MCM3: variants seen among roughly 807,000 people sequenced by gnomAD.
MCM3 encodes DNA replication licensing factor MCM3.
MCM3 carries 59 observed loss-of-function variants against 91.3 expected under a neutral mutation model. The ratio of observed to expected loss-of-function variants is 0.65; its 90% CI spans 0.52 to 0.80. The LOEUF (loss-of-function observed/expected upper bound fraction) is 0.80. Ranked by LOEUF, MCM3 falls within the 30% of genes least tolerant of loss-of-function variation. The probability of loss-of-function intolerance (pLI) is 0.00; values close to 1 mark genes in which losing one functional copy is unlikely to be tolerated. For synonymous variants in MCM3, 383 were observed against 379.6 expected, an observed-to-expected ratio of 1.01 and a Z score of -0.10; for missense variants, 919 against 1,035.4, an observed-to-expected ratio of 0.89 and a Z score of 1.54.
chr6:52,268,992 C>A, intron 13 of MCM3, 94 bp downstream of exon 13: 15 of 1,358,442 alleles, frequency 1.1e-5, no homozygotes, highest in Non-Finnish European at 1.5e-5. Context: ...TGTTGACAAT[C>A]CAAATGTAGC....
chr6:52,282,273 T>A, intron 3 of MCM3, 98 bp from the exon 4 acceptor site: 1 of 1,115,154 alleles, frequency 9.0e-7, no homozygotes, highest in Non-Finnish European at 1.3e-6. Flanking sequence ...CCAAATACTG[T>A]GTTTTTTTGA....
chr6:52,273,503 G>T, intron 10 of MCM3, 147 bp from the exon 11 acceptor site: 2 of 873,092 alleles, frequency 2.3e-6, no homozygotes, highest in South Asian at 3.5e-5. Context: ...CACAAATAAA[G>T]ATAGTGGAAC....
intron 3 of MCM3, 145 bp downstream of exon 3, chr6:52,282,508 C>A: frequency 1.5e-6 from 1 of 675,224 alleles, no homozygotes. Context: ...AATCATTGTA[C>A]ACACTGAGCC....
intron 13 of MCM3, among the ~76,000 whole-genome samples, chr6:52,268,590 A>G (rs181072857): frequency 1.4e-4 from 21 of 152,284 alleles, no homozygotes; most frequent in Non-Finnish European, 2.6e-4. Flanking sequence ...GATATCTAAA[A>G]TGACAGAGGT....
rs778293090 is a variant in MCM3, at chr6:52,266,671, T to C, written c.2098A>G (p.Lys700Glu). Reference protein sequence around the residue: ...KRRKTRQPDAKDGDSYDPYDF... With the variant: ...KRRKTRQPDAEDGDSYDPYDF... ...TAGGGGTCGTATGAATCCCCATCTT[T>C]GGCATCTGGCTGGCGAGTCTTCCTT... The change falls in exon 15 of 17, where the codon AAA becomes GAA. Residue 700 changes from lysine (K) to glutamate (E), a missense_variant. Physicochemically the swap from Lys to Glu is moderately conservative, Grantham distance 56 (BLOSUM62 1). Around this residue, in one of 3 missense-constraint regions of MCM3, gnomAD observed 285 missense variants for 311.4 expected, o/e 0.92. Coordinates refer to ENST00000596288, the MANE Select transcript of MCM3 (RefSeq NM_002388.6). 13 of 1,614,072 alleles carry C rather than the reference T, an allele frequency of 8.1e-6. No individual in the cohort carries two copies. Among genetic ancestry groups the C allele is most frequent in the African/African-American group, 2.7e-5 (2 of 74,928 alleles).
intron 13 of MCM3, 106 bp downstream of exon 13, chr6:52,268,980 T>C: frequency 4.0e-6 from 5 of 1,241,280 alleles, no homozygotes; most frequent in Non-Finnish European, 5.6e-6. Context: ...AATACTGCTT[T>C]CTGTTGACAA....
chr6:52,282,937 CTT>C (rs1766257509), intron 2 of MCM3, 76 bp from the exon 3 acceptor site: 3 of 1,007,152 alleles, frequency 3.0e-6, no homozygotes, highest in African/African-American at 3.2e-5. Context: ...AGCAGACATT[CTT>C]AGATCATTAA....
At position 52,264,722 on chromosome 6, in the gene MCM3, T is replaced by G. The variant is rs767510994; in HGVS notation, c.2293A>C (p.Met765Leu). 71 of 1,614,074 alleles carry G rather than the reference T, an allele frequency of 4.4e-5. No homozygotes were observed. The highest frequency in any genetic ancestry group is 2.5e-4 in the Admixed American group (15 of 60,006). The part of the protein sequence containing the change: ...FREAHAQSIG[M>L]NRLTESINRD... Reference sequence around the variant, plus strand: ...TTGATGGATTCTGTGAGGCGATTCATGCCGATTGACTGCGCATGAGCTTCC... The same window carrying G: ...TTGATGGATTCTGTGAGGCGATTCAGGCCGATTGACTGCGCATGAGCTTCC... Residue 765 changes from methionine (M) to leucine (L), a missense_variant, in exon 17 of 17, where the codon ATG becomes CTG. This residue lies in a region of MCM3 where 285 missense variants were observed against 311.4 expected (regional missense o/e 0.92). Transcript: ENST00000596288.
chr6:52,266,028 G>T (rs1764615988), intron 16 of MCM3, 47 bp downstream of exon 16: 1 of 1,543,898 alleles, frequency 6.5e-7, no homozygotes, highest in Non-Finnish European at 9.0e-7. Context: ...CCCTTCCTCA[G>T]CGATACACAG....
chr6:52,282,984 A>G (rs1581752333), intron 2 of MCM3, 123 bp from the exon 3 acceptor site: 6 of 727,656 alleles, frequency 8.2e-6, no homozygotes, highest in South Asian at 1.9e-5. Context: ...GCTTTCTCCT[A>G]TAAGTCTCAG....
chr6:52,279,320 C>G, intron 5 of MCM3, 41 bp downstream of exon 5: 2 of 1,487,876 alleles, frequency 1.3e-6, no homozygotes, highest in Non-Finnish European at 1.9e-6. Flanking sequence ...GAAATGGAAG[C>G]TGTCAACAGC....
chr6:52,284,399 CTTCCTAAGAG>C (rs1220123796), intron 1 of MCM3, among the ~76,000 whole-genome samples, 188 bp downstream of exon 1: 2 of 152,198 alleles, frequency 1.3e-5, no homozygotes, highest in Non-Finnish European at 2.9e-5. Context: ...AGAAAGCTGG[CTTCCTAAGAG>C]TTCACTTATC....
intron 6 of MCM3, among the ~76,000 whole-genome samples, chr6:52,278,430 T>C (rs1765778678): frequency 6.6e-6 from 1 of 152,226 alleles, no homozygotes; most frequent in Non-Finnish European, 1.5e-5. Context: ...GTTTAAGTAG[T>C]AATGCATCAC....
At chr6:52,269,270 C>A (rs370081968) in intron 12 of MCM3, 44 bp from the exon 13 acceptor site, 2 of 1,576,372 alleles carry the variant, frequency 1.3e-6, no homozygotes, top group Non-Finnish European at 1.7e-6. Context: ...GTCTTTTAGG[C>A]ATGCCCATCA....
In MCM3 at chr6:52,282,115, G is replaced by C; in HGVS notation, c.461C>G (p.Thr154Ser). The change falls in exon 4 of 17, where the codon ACC (threonine) becomes AGC (serine). Residue 154 changes from threonine to serine, a missense_variant. Coordinates refer to ENST00000596288, the MANE Select transcript of MCM3 (RefSeq NM_002388.6). ...SVHYCPATKK[T>S]IERRYSDLTT... ...GAGATCAGAATAACGTCGCTCTATGGTCTTCTTAGTAGCAGGACAGTAGTG... is the reference window on the plus strand; with the variant it reads ...GAGATCAGAATAACGTCGCTCTATGCTCTTCTTAGTAGCAGGACAGTAGTG... The C allele has an allele frequency of 6.2e-7, 1 of 1,613,934 alleles. No homozygotes were observed. The highest frequency in any genetic ancestry group is 1.1e-5 in the South Asian group (1 of 91,080).
intron 9 of MCM3, among the ~76,000 whole-genome samples, chr6:52,274,758 TCTGGGCCTA>T (rs1765418839): frequency 6.6e-6 from 1 of 151,814 alleles, no homozygotes; most frequent in South Asian, 2.1e-4. Context: ...TCCTTTCAAT[TCTGGGCCTA>T]CTGGACTGAT....
chr6:52,270,186 C>T lies in MCM3; in HGVS notation c.1828-960G>A, dbSNP rs148362070. Among the ~76,000 whole-genome samples, 1,190 of 151,860 alleles carry T rather than the reference C, an allele frequency of 7.8e-3. 11 individuals are homozygous for T. The highest frequency in any genetic ancestry group is 0.028 in the African/African-American group (1,140 of 41,440). ...TAAAAATACAAAAGAAAAATTAGCC[C>T]GGTGTGGTGGCGCATGCCTGTAATC... On this transcript the variant is annotated intron_variant, in intron 12 of 16. Transcript: ENST00000596288.
rs745591927 is a variant in MCM3, at chr6:52,277,553, T to C, written c.1015A>G (p.Ile339Val). 2.5e-6 allele frequency: 4 copies of C among 1,613,722 alleles called. No homozygotes were observed. Among genetic ancestry groups the C allele is most frequent in the Non-Finnish European group, 3.4e-6 (4 of 1,179,934 alleles). ...LENGSHIRGDINILLIGDPSV... is the reference protein window; with the variant it reads ...LENGSHIRGDVNILLIGDPSV... Reference sequence around the variant, plus strand: ...ATCGTACCTATTAGAAGAATATTGATGTCCCCACGGATGTGGCTGCCATTT... The same window carrying C: ...ATCGTACCTATTAGAAGAATATTGACGTCCCCACGGATGTGGCTGCCATTT... The change falls in exon 7 of 17, where the codon ATC becomes GTC. Residue 339 changes from isoleucine (I) to valine (V), a missense_variant. Coordinates refer to ENST00000596288, the MANE Select transcript of MCM3 (RefSeq NM_002388.6).
chr6:52,267,981 C>T lies in MCM3; in HGVS notation c.1969-13G>A. ...CCTTCTCCAGAACCTAAGACCAAGG[C>T]AAGTGTGGCTGGGCTAGAGGGGTCA... On this transcript the variant is annotated splice_polypyrimidine_tract_variant and intron_variant, in intron 13 of 16. Coordinates refer to ENST00000596288, the MANE Select transcript of MCM3 (RefSeq NM_002388.6). The T allele has an allele frequency of 1.2e-6, 2 of 1,614,040 alleles. No homozygotes were observed. Among genetic ancestry groups the T allele is most frequent in the Non-Finnish European group, 1.7e-6 (2 of 1,179,936 alleles).
Sources: gnomAD v4.1 joint callset for allele counts (sites outside exome capture counted in the v4.1 genomes callset) on GRCh38, gnomAD v4.1.1 for gene constraint, gnomAD v4.1.1 regional missense constraint, MANE v1.5 for transcripts, NCBI Gene and HGNC (gene_info 2026-07-23, HGNC 2026-07-21) for gene names.